LRP1B: variants seen among roughly 807,000 people sequenced by gnomAD.
The protein encoded by LRP1B is low-density lipoprotein receptor-related protein 1B.
Under a neutral mutation model 556.6 loss-of-function variants are expected in LRP1B, and 217 were observed. The observed-to-expected ratio is 0.39, with a 90% CI of 0.35 to 0.44. The LOEUF is 0.44. LRP1B is among the 20% of genes least tolerant of loss of function. The pLI is 1.00. For synonymous variants in LRP1B, 2,047 were observed against 1,865.8 expected (o/e 1.10, Z -2.50); for missense variants, 5,053 against 5,620.8 (o/e 0.90, Z 3.23).
At chr2:140,279,845 GA>G (rs1188609771) in intron 84 of LRP1B, among the ~76,000 whole-genome samples, 2 of 151,748 alleles carry the variant, frequency 1.3e-5, no homozygotes, top group Non-Finnish European at 1.5e-5. Flanking sequence ...AAATATTAAT[GA>G]TCCCATCGAG....
intron 3 of LRP1B, among the ~76,000 whole-genome samples, chr2:141,309,069 A>G (rs1213435578): frequency 6.6e-6 from 1 of 152,192 alleles, no homozygotes; most frequent in Non-Finnish European, 1.5e-5. Flanking sequence ...GAATTTTAGC[A>G]CATGGTTTGG....
At chr2:140,293,641 A>G (rs1683487751) in intron 84 of LRP1B, among the ~76,000 whole-genome samples, 2 of 152,156 alleles carry the variant, frequency 1.3e-5, no homozygotes, top group Admixed American at 6.5e-5. Context: ...GCAAGATACA[A>G]TTTTGACAGA....
At chr2:141,336,435 AAGTC>A (rs1199981331) in intron 3 of LRP1B, among the ~76,000 whole-genome samples, 1 of 152,152 alleles carries the variant, frequency 6.6e-6, no homozygotes, top group East Asian at 1.9e-4. Flanking sequence ...TTAATCACCT[AAGTC>A]AGAATCATTG....
chr2:142,113,967 T>C (rs1465450533), intron 1 of LRP1B, among the ~76,000 whole-genome samples: 16 of 152,110 alleles, frequency 1.1e-4, no homozygotes. Context: ...GTATAGGATC[T>C]CTTTCTATAG....
At chr2:142,115,305 T>G (rs1240609031) in intron 1 of LRP1B, among the ~76,000 whole-genome samples, 1 of 148,720 alleles carries the variant, frequency 6.7e-6, no homozygotes, top group Non-Finnish European at 1.5e-5. Context: ...AAGAAAGCGC[T>G]CAAAAAAGGT....
chr2:142,054,829 T>C (rs1001801641), intron 1 of LRP1B, among the ~76,000 whole-genome samples: 6 of 152,136 alleles, frequency 3.9e-5, no homozygotes, highest in African/African-American at 7.2e-5. Context: ...CATTTTTTTT[T>C]CTCTGAAACC....
chr2:141,237,172 T>G (rs1683674544), intron 5 of LRP1B, among the ~76,000 whole-genome samples: 1 of 152,062 alleles, frequency 6.6e-6, no homozygotes, highest in Admixed American at 6.6e-5. Flanking sequence ...ACGAGTGACA[T>G]GAAGTCAAGG....
intron 1 of LRP1B, among the ~76,000 whole-genome samples, chr2:141,944,681 T>C (rs1417924821): frequency 6.6e-6 from 1 of 152,148 alleles, no homozygotes; most frequent in African/African-American, 2.4e-5. Context: ...CTTAGCATCT[T>C]CTACCTACAA....
At chr2:141,353,941 C>A (rs1356810292) in intron 3 of LRP1B, among the ~76,000 whole-genome samples, 5 of 151,864 alleles carry the variant, frequency 3.3e-5, no homozygotes, top group Non-Finnish European at 1.5e-5. Flanking sequence ...CTTCTTCATG[C>A]TATGTCATAC....
intron 77 of LRP1B, among the ~76,000 whole-genome samples, chr2:140,349,121 G>A (rs1681837803): frequency 6.6e-6 from 1 of 152,064 alleles, no homozygotes; most frequent in African/African-American, 2.4e-5. Flanking sequence ...CTCCTGCTGT[G>A]CAGCCAGGTT....
rs1421397525 is a variant in LRP1B at position 141,832,320 on chromosome 2, TTC to T, written c.83-21921_83-21920del. The stretch of plus-strand genomic sequence containing the variant: ...GGTGGGCAATAATTATCCTATCTCT[TTC>T]TCTCTCACACACACACACACACACA... On this transcript the variant is annotated intron_variant, in intron 1 of 90. Coordinates refer to ENST00000389484, the MANE Select transcript of LRP1B (RefSeq NM_018557.3). Among the ~76,000 whole-genome samples, 67 of 72,084 alleles carry T rather than the reference TTC, an allele frequency of 9.3e-4. 1 individual carries two copies. Among genetic ancestry groups the T allele is most frequent in the Middle Eastern group, 6.7e-3 (1 of 150 alleles). The allele number at this position is 72,084 out of a possible 152,430, so 47.3% of individuals were successfully genotyped here.
intron 7 of LRP1B, among the ~76,000 whole-genome samples, chr2:141,107,952 A>T (rs1286774282): frequency 6.6e-6 from 1 of 152,292 alleles, no homozygotes; most frequent in East Asian, 1.9e-4. Context: ...TTGGAAAAAA[A>T]GTATGGTGCT....
At chr2:141,919,697 G>A (rs566836209) in intron 1 of LRP1B, among the ~76,000 whole-genome samples, 4 of 151,970 alleles carry the variant, frequency 2.6e-5, no homozygotes, top group East Asian at 3.9e-4. Context: ...TTATGGCTAC[G>A]CATTTATTTT....
intron 7 of LRP1B, among the ~76,000 whole-genome samples, chr2:141,168,284 T>A (rs1463621197): frequency 6.6e-6 from 1 of 152,082 alleles, no homozygotes; most frequent in Non-Finnish European, 1.5e-5. Context: ...CTGTATCTAT[T>A]GTAAATGACG....
chr2:141,934,494 ATAT>A (rs1481658156), intron 1 of LRP1B, among the ~76,000 whole-genome samples: 18 of 152,170 alleles, frequency 1.2e-4, no homozygotes, highest in African/African-American at 4.3e-4. Flanking sequence ...CTAATAAAAT[ATAT>A]TACTTGAAAA....
At chr2:140,805,447 A>G (rs182074734) in intron 32 of LRP1B, among the ~76,000 whole-genome samples, 5 of 152,300 alleles carry the variant, frequency 3.3e-5, no homozygotes, top group African/African-American at 7.2e-5. Context: ...AGCTACTCAG[A>G]TATTTATAGG....
intron 2 of LRP1B, among the ~76,000 whole-genome samples, chr2:141,689,174 T>C (rs1448338294): frequency 3.3e-5 from 5 of 152,034 alleles, no homozygotes; most frequent in Non-Finnish European, 5.9e-5. Context: ...TTAGCATGTC[T>C]TGTACAAATA....
chr2:141,306,437 T>A (rs557082270), intron 3 of LRP1B, among the ~76,000 whole-genome samples: 3 of 152,262 alleles, frequency 2.0e-5, no homozygotes, highest in African/African-American at 7.2e-5. Context: ...TATAATAGTT[T>A]TTGATGATCT....
At chr2:141,394,680 A>G (rs1480318726) in intron 3 of LRP1B, among the ~76,000 whole-genome samples, 2 of 152,134 alleles carry the variant, frequency 1.3e-5, no homozygotes, top group Non-Finnish European at 2.9e-5. Flanking sequence ...TCTTAGAGGT[A>G]CAAATGTATA....
Sources: allele counts gnomAD v4.1 joint callset (sites outside exome capture counted in the v4.1 genomes callset), GRCh38; gene constraint gnomAD v4.1.1; transcripts MANE v1.5; gene names NCBI Gene and HGNC (gene_info 2026-07-23, HGNC 2026-07-21).